Variants in GNPDA2 observed in about 807,000 individuals in gnomAD.
The protein encoded by GNPDA2 is glucosamine-6-phosphate deaminase 2, also known as glcN6P deaminase 2.
GNPDA2 carries 24 observed loss-of-function variants against 27.0 expected under a neutral mutation model. That is an observed-to-expected ratio of 0.89 (90% CI 0.64 to 1.25). GNPDA2 has a LOEUF of 1.25. Among genes scored for constraint, GNPDA2 ranks in the 50% most tolerant of loss-of-function variants. GNPDA2 has a pLI of 0.00. For synonymous variants in GNPDA2, 94 were observed against 108.4 expected (o/e 0.87, Z 0.83); for missense variants, 286 against 335.1 (o/e 0.85, Z 1.14).
chr4:44,722,109 T>C lies in GNPDA2; in HGVS notation c.99A>G (p.Arg33=), dbSNP rs754878043. Reference sequence around the variant, plus strand: ...CTGTTGGTAAACCCAGTGTAAAATATCTGTCCTGTCCAGGTTTGAACTGAA... The same window carrying C: ...CTGTTGGTAAACCCAGTGTAAAATACCTGTCCTGTCCAGGTTTGAACTGAA... ...RIIQFKPGQD[R]YFTLGLPTGS... is the part of the protein sequence containing the mutation. Residue 33 remains arginine, a synonymous_variant, in exon 2 of 7, where the codon AGA becomes AGG. Coordinates refer to ENST00000295448, the MANE Select transcript of GNPDA2 (RefSeq NM_138335.3). 2 of 1,612,130 alleles carry C rather than the reference T, an allele frequency of 1.2e-6. No homozygotes were observed. The highest frequency in any genetic ancestry group is 2.2e-5 in the South Asian group (2 of 90,766).
In GNPDA2 at chr4:44,707,746, G is replaced by A. The variant is rs1488963972; in HGVS notation, c.769+6C>T. 6.2e-7 allele frequency: 1 copy of A among 1,609,400 alleles called. No individual in the cohort carries two copies. The highest frequency in any genetic ancestry group is 1.3e-5 in the African/African-American group (1 of 74,772). On this transcript the variant is annotated splice_donor_region_variant and intron_variant, in intron 6 of 6. Transcript: ENST00000295448. ...TCTCAGTCGGCTTTTGAAATTCAGT[G>A]CTCACCTTTAAAGTATTTCACAGTT...
chr4:44,710,899 AATATTAAT>A (rs1457832097), intron 5 of GNPDA2, 46 bp downstream of exon 5: 4 of 1,326,202 alleles, frequency 3.0e-6, no homozygotes. Context: ...ACTCCTCCAA[AATATTAAT>A]ATATTAACAT....
At position 44,707,559 on chromosome 4, in the gene GNPDA2, GAAAA is replaced by G. The variant is rs11337450; in HGVS notation, c.769+189_769+192del. On this transcript the variant is annotated intron_variant, in intron 6 of 6. Transcript: ENST00000295448. Reference sequence around the variant, plus strand: ...TAGAGACTGAAGAGATTCTCTTCATGAAAAAAAAAAAAAGGTACTACTTTGAAGA... The same window carrying G: ...TAGAGACTGAAGAGATTCTCTTCATGAAAAAAAAAGGTACTACTTTGAAGA... The G allele has an allele frequency of 4.1e-5, 15 of 368,552 alleles. No individual in the cohort carries two copies. The South Asian group carries it at 4.1e-4, about 10-fold the overall frequency. The allele number at this position is 368,552 out of a possible 1,614,324, so 22.8% of individuals were successfully genotyped here.
At chr4:44,716,380 A>C (rs1281667631) in intron 4 of GNPDA2, among the ~76,000 whole-genome samples, 4 of 151,932 alleles carry the variant, frequency 2.6e-5, no homozygotes, top group Non-Finnish European at 5.9e-5. Flanking sequence ...AATCTGGCAA[A>C]AAATTTTGAT....
At chr4:44,723,592 G>GTA (rs1393422500) in intron 1 of GNPDA2, among the ~76,000 whole-genome samples, 6 of 152,100 alleles carry the variant, frequency 3.9e-5, no homozygotes, top group East Asian at 1.9e-4. Flanking sequence ...ATTTCGCGGT[G>GTA]TATATATATA....
At chr4:44,709,490 G>A (rs898130678) in intron 5 of GNPDA2, among the ~76,000 whole-genome samples, 5 of 152,144 alleles carry the variant, frequency 3.3e-5, no homozygotes, top group Non-Finnish European at 7.3e-5. Flanking sequence ...AGCAAGCTAG[G>A]TGTGGATACC....
intron 1 of GNPDA2, among the ~76,000 whole-genome samples, chr4:44,723,746 G>A (rs1038665512): frequency 6.6e-6 from 1 of 152,106 alleles, no homozygotes; most frequent in Non-Finnish European, 1.5e-5. Context: ...CAAAAGGAAC[G>A]AAACACAGGA....
At chr4:44,707,143 G>C (rs1577581742) in intron 6 of GNPDA2, 1 of 152,088 alleles carries the variant, frequency 6.6e-6, no homozygotes, top group African/African-American at 2.4e-5. Flanking sequence ...GTAATACACA[G>C]CCTGGTAGAG....
chr4:44,703,377 G>A, intron 6 of GNPDA2: 1 of 1,252,630 alleles, frequency 8.0e-7, no homozygotes, highest in South Asian at 2.4e-5. Context: ...AATGTGTACA[G>A]GTACTTTGGG....
At chr4:44,719,382 T>A (rs1270756786) in intron 2 of GNPDA2, among the ~76,000 whole-genome samples, 1 of 151,812 alleles carries the variant, frequency 6.6e-6, no homozygotes, top group Non-Finnish European at 1.5e-5. Flanking sequence ...CAAAAACAAA[T>A]ACAAAGGAAA....
chr4:44,703,512 T>C (rs930953976), intron 6 of GNPDA2: 2 of 1,000,050 alleles, frequency 2.0e-6, no homozygotes, highest in Non-Finnish European at 2.4e-6. Flanking sequence ...TGGCAGTTCC[T>C]CTACTAGACT....
At chr4:44,718,640 A>C (rs912498075) in intron 2 of GNPDA2, among the ~76,000 whole-genome samples, 2 of 151,938 alleles carry the variant, frequency 1.3e-5, no homozygotes, top group African/African-American at 4.8e-5. Flanking sequence ...AGTTTGGAAA[A>C]TTATCCTTGA....
chr4:44,724,904 A>T (rs563922457), intron 1 of GNPDA2, among the ~76,000 whole-genome samples: 61 of 152,362 alleles, frequency 4.0e-4, no homozygotes, highest in Admixed American at 1.1e-3. Context: ...AATATAATCC[A>T]TAATCTAATG....
chr4:44,726,296 G>A (rs140231073), intron 1 of GNPDA2, among the ~76,000 whole-genome samples, 178 bp downstream of exon 1: 80 of 152,158 alleles, frequency 5.3e-4, no homozygotes, highest in African/African-American at 1.9e-3. Context: ...AACCAGGTCC[G>A]CGAGTGGCAA....
rs903882295 is a variant in GNPDA2, at chr4:44,706,274, T to G, written c.769+1478A>C. On this transcript the variant is annotated intron_variant, in intron 6 of 6. Transcript: ENST00000295448. ...ATTTGTGGCTTGGTAAATTAGTAAT[T>G]TAAATGGTAAAAATATAAATGACTA... is the stretch of plus-strand genomic sequence containing the variant. The G allele has an allele frequency of 3.3e-5, 5 of 149,354 alleles. No individual in the cohort carries two copies. In the Admixed American group the frequency reaches 3.4e-4, roughly 10 times the overall value. 9.3% of individuals were successfully genotyped at this position (149,354 alleles called of 1,614,324 possible).
chr4:44,702,576 T>G lies in GNPDA2; in HGVS notation c.*505A>C, dbSNP rs1361276911. 1.0e-6 allele frequency: 1 copy of G among 988,870 alleles called. No individual in the cohort carries two copies. Among genetic ancestry groups the G allele is most frequent in the Admixed American group, 6.2e-5 (1 of 16,238 alleles). 61.3% of individuals were successfully genotyped at this position (988,870 alleles called of 1,614,324 possible). A position where few individuals can be genotyped will look rare whatever the true frequency, so the allele number is the denominator to read the frequency against. ...CAATGATATATAGCACAATTTTTGA[T>G]GTCTAGATGGTGCTGTAGGAAGATG... On this transcript the variant is annotated 3_prime_UTR_variant, in exon 7 of 7. Coordinates refer to ENST00000295448, the MANE Select transcript of GNPDA2 (RefSeq NM_138335.3).
intron 2 of GNPDA2, among the ~76,000 whole-genome samples, chr4:44,721,134 T>C (rs550131263): frequency 9.0e-4 from 136 of 151,538 alleles, no homozygotes; most frequent in Non-Finnish European, 1.5e-3. Context: ...AACAAAACAA[T>C]CAACTTGAAG....
chr4:44,724,179 TTC>T (rs1363133704), intron 1 of GNPDA2, among the ~76,000 whole-genome samples: 1 of 152,174 alleles, frequency 6.6e-6, no homozygotes, highest in Non-Finnish European at 1.5e-5. Flanking sequence ...CGCAGGTGTT[TTC>T]TCTTTTAGGA....
chr4:44,721,765 T>C (rs1031101549), intron 2 of GNPDA2, among the ~76,000 whole-genome samples: 11 of 152,050 alleles, frequency 7.2e-5, no homozygotes, highest in Admixed American at 3.3e-4. Context: ...AAAACTGGTA[T>C]GAATGGTAAA....
Sources: allele counts gnomAD v4.1 joint callset (sites outside exome capture counted in the v4.1 genomes callset), GRCh38; gene constraint gnomAD v4.1.1; transcripts MANE v1.5; gene names NCBI Gene and HGNC (gene_info 2026-07-23, HGNC 2026-07-21).